SPIDR: variants seen among roughly 807,000 people sequenced by gnomAD.
The protein encoded by SPIDR is DNA repair-scaffolding protein.
SPIDR carries 93 observed loss-of-function variants against 104.6 expected under a neutral mutation model. The ratio of observed to expected loss-of-function variants is 0.89; its 90% CI spans 0.75 to 1.06. The LOEUF is 1.06. SPIDR is among the 50% of genes least tolerant of loss of function. SPIDR has a pLI of 0.00. For synonymous variants in SPIDR, 431 were observed against 416.9 expected (o/e 1.03, Z -0.41); for missense variants, 1,154 against 1,111.2 (o/e 1.04, Z -0.55).
At chr8:47,537,518 A>G (rs1316924569) in intron 8 of SPIDR, among the ~76,000 whole-genome samples, 1 of 152,216 alleles carries the variant, frequency 6.6e-6, no homozygotes, top group Non-Finnish European at 1.5e-5. Context: ...AGGCAAAACT[A>G]TGGAAATAGT....
At chr8:47,571,922 C>T (rs145695403) in intron 8 of SPIDR, among the ~76,000 whole-genome samples, 116 of 152,160 alleles carry the variant, frequency 7.6e-4, no homozygotes, top group African/African-American at 2.4e-3. Context: ...AAAACAAAAC[C>T]GTGGATGAGA....
At chr8:47,456,633 T>C (rs957195777) in intron 8 of SPIDR, among the ~76,000 whole-genome samples, 5 of 152,106 alleles carry the variant, frequency 3.3e-5, no homozygotes, top group African/African-American at 1.2e-4. Flanking sequence ...TTCCATAGGT[T>C]TTTGGGAAAC....
intron 8 of SPIDR, among the ~76,000 whole-genome samples, chr8:47,553,645 C>T (rs1443685344): frequency 6.6e-6 from 1 of 152,176 alleles, no homozygotes; most frequent in Non-Finnish European, 1.5e-5. Flanking sequence ...AGCCATTCGT[C>T]TAATCTTTTT....
At chr8:47,709,420 G>A (rs1468613939) in intron 14 of SPIDR, among the ~76,000 whole-genome samples, 3 of 152,216 alleles carry the variant, frequency 2.0e-5, no homozygotes, top group Admixed American at 1.3e-4. Context: ...GATTACAGGC[G>A]TAAGCCACGG....
chr8:47,501,781 T>A (rs540872109), intron 8 of SPIDR, among the ~76,000 whole-genome samples: 1 of 152,318 alleles, frequency 6.6e-6, no homozygotes, highest in South Asian at 2.1e-4. Context: ...GCTGTGGGTT[T>A]GTCATAGATA....
chr8:47,411,676 AT>A (rs2063547512), intron 7 of SPIDR, among the ~76,000 whole-genome samples: 3 of 152,186 alleles, frequency 2.0e-5, no homozygotes, highest in East Asian at 1.9e-4. Context: ...CCATTTGTCA[AT>A]TTTGGCTTTT....
intron 7 of SPIDR, among the ~76,000 whole-genome samples, chr8:47,420,202 G>T (rs1230717118): frequency 5.9e-5 from 9 of 152,192 alleles, no homozygotes; most frequent in African/African-American, 2.2e-4. Context: ...TCTGTCTAAT[G>T]TTGACAGTGG....
chr8:47,368,136 G>T (rs1022277695), intron 5 of SPIDR, among the ~76,000 whole-genome samples: 1 of 151,922 alleles, frequency 6.6e-6, no homozygotes, highest in East Asian at 1.9e-4. Context: ...GAAGGGACAA[G>T]GCAGCTCTCT....
At chr8:47,300,072 G>T (rs1554576192) in intron 5 of SPIDR, among the ~76,000 whole-genome samples, 5 of 152,130 alleles carry the variant, frequency 3.3e-5, no homozygotes, top group Non-Finnish European at 7.4e-5. Flanking sequence ...CTGTGAATCC[G>T]TCTGGTCCTG....
intron 8 of SPIDR, among the ~76,000 whole-genome samples, chr8:47,457,677 A>G (rs782646937): frequency 8.6e-5 from 13 of 151,956 alleles, no homozygotes; most frequent in Non-Finnish European, 1.3e-4. Context: ...GCCCATGTCT[A>G]CTAGGGTTTT....
chr8:47,603,579 G>A (rs1430983931), intron 10 of SPIDR, among the ~76,000 whole-genome samples: 1 of 144,106 alleles, frequency 6.9e-6, no homozygotes, highest in Non-Finnish European at 1.5e-5. Flanking sequence ...TTTTTTTTTG[G>A]TAGAGATAGG....
At chr8:47,557,904 G>C (rs1441356779) in intron 8 of SPIDR, among the ~76,000 whole-genome samples, 1 of 152,152 alleles carries the variant, frequency 6.6e-6, no homozygotes, top group Non-Finnish European at 1.5e-5. Flanking sequence ...GAATCAGCCT[G>C]GGTGCCCTAT....
In SPIDR at chr8:47,291,105, A is replaced by G; in HGVS notation, c.329A>G (p.Asp110Gly). ...TWSSSGSDLS[D>G]EDKTLSQLQR... ...AGCTCCAGTGGAAGTGATTTGTCGG[A>G]TGAAGATAAGACACTTTCTCAGTTA... Residue 110 changes from aspartate (D) to glycine (G), a missense_variant, in exon 4 of 20, where the codon GAT becomes GGT. Transcript: ENST00000297423. The G allele has an allele frequency of 1.2e-6, 2 of 1,613,312 alleles. No individual in the cohort carries two copies. Among genetic ancestry groups the G allele is most frequent in the Non-Finnish European group, 1.7e-6 (2 of 1,179,462 alleles).
At chr8:47,333,484 A>G (rs1460117463) in intron 5 of SPIDR, among the ~76,000 whole-genome samples, 1 of 151,876 alleles carries the variant, frequency 6.6e-6, no homozygotes, top group South Asian at 2.1e-4. Flanking sequence ...TTGTATTTTT[A>G]GTAGAGACAG....
chr8:47,520,204 G>C (rs1456616914), intron 8 of SPIDR, among the ~76,000 whole-genome samples: 1 of 152,192 alleles, frequency 6.6e-6, no homozygotes, highest in Non-Finnish European at 1.5e-5. Flanking sequence ...AACACAGAGA[G>C]GCAAATATTT....
chr8:47,704,910 G>A (rs775820314), intron 14 of SPIDR, among the ~76,000 whole-genome samples: 1 of 152,154 alleles, frequency 6.6e-6, no homozygotes, highest in African/African-American at 2.4e-5. Flanking sequence ...CTGACTTCAC[G>A]CTCCTCTGCC....
At chr8:47,428,129 G>A (rs981796119) in intron 7 of SPIDR, among the ~76,000 whole-genome samples, 2 of 152,160 alleles carry the variant, frequency 1.3e-5, no homozygotes, top group African/African-American at 4.8e-5. Flanking sequence ...TCACCACATT[G>A]GCCAGGCTGG....
At chr8:47,449,059 C>G (rs952578864) in intron 8 of SPIDR, among the ~76,000 whole-genome samples, 4 of 152,024 alleles carry the variant, frequency 2.6e-5, no homozygotes, top group Non-Finnish European at 4.4e-5. Context: ...AGAATAAATG[C>G]ATCTCGGAGG....
At chr8:47,654,765 G>C (rs1237974300) in intron 10 of SPIDR, among the ~76,000 whole-genome samples, 1 of 152,068 alleles carries the variant, frequency 6.6e-6, no homozygotes, top group African/African-American at 2.4e-5. Context: ...TAGGGTACAT[G>C]TGCACAATGT....
Sources: allele counts gnomAD v4.1 joint callset (sites outside exome capture counted in the v4.1 genomes callset), GRCh38; gene constraint gnomAD v4.1.1; transcripts MANE v1.5; gene names NCBI Gene and HGNC (gene_info 2026-07-23, HGNC 2026-07-21).